Variants in PPFIA1 observed in about 807,000 individuals in gnomAD.
The protein encoded by PPFIA1 is PPFI scaffold protein A1, also known as liprin-alpha-1.
A neutral mutation model predicts 149.9 loss-of-function variants in PPFIA1; 25 were observed. That is an observed-to-expected ratio of 0.17 (90% CI 0.12 to 0.23). The LOEUF (loss-of-function observed/expected upper bound fraction) is 0.23. Among genes scored for constraint, PPFIA1 ranks in the 10% least tolerant of loss-of-function variants. PPFIA1 has a pLI of 1.00. For missense variants in PPFIA1, 1,362 were observed against 1,506.5 expected (o/e 0.90, Z 1.59); for synonymous variants, 549 against 552.8 (o/e 0.99, Z 0.10).
chr11:70,295,403 G>A (rs1280349189), intron 2 of PPFIA1, among the ~76,000 whole-genome samples: 5 of 137,806 alleles, frequency 3.6e-5, no homozygotes, highest in Non-Finnish European at 7.9e-5. Context: ...TCTCCCTCCC[G>A]GATGAGGTGG....
intron 10 of PPFIA1, 45 bp from the exon 11 acceptor site, chr11:70,335,518 G>T (rs767309808): frequency 1.2e-6 from 2 of 1,601,170 alleles, no homozygotes; most frequent in Non-Finnish European, 8.5e-7. Context: ...AATAATGATC[G>T]AGGATTTACG....
chr11:70,362,949 T>C (rs2056737022), intron 21 of PPFIA1: 1 of 153,036 alleles, frequency 6.5e-6, no homozygotes, highest in Admixed American at 6.5e-5. Flanking sequence ...ATTGAATCAG[T>C]CTAAGGGCCT....
intron 2 of PPFIA1, among the ~76,000 whole-genome samples, chr11:70,277,039 T>TAG (rs1387948962): frequency 1.7e-4 from 10 of 58,326 alleles, no homozygotes; most frequent in African/African-American, 2.1e-4. Flanking sequence ...TTGATTGAGA[T>TAG]ATATATATAT....
chr11:70,356,035 T>C (rs1462892901), intron 18 of PPFIA1, 126 bp from the exon 19 acceptor site: 3 of 1,028,832 alleles, frequency 2.9e-6, no homozygotes, highest in Admixed American at 4.1e-5. Context: ...TTTGGTTGTC[T>C]AGTCAGAAAC....
chr11:70,344,398 C>G (rs73517198), intron 15 of PPFIA1, among the ~76,000 whole-genome samples: 3,604 of 152,324 alleles, frequency 0.024, 159 homozygotes, highest in African/African-American at 0.083. Flanking sequence ...GTGCCACTCA[C>G]CAGAGAGACC....
In PPFIA1 at chr11:70,329,800, C is replaced by T. The variant is rs140151811; in HGVS notation, c.931-373C>T. ...AAAATTAGTTGGATATAGGAGTGTG[C>T]GCTTGTAGTCCCAGCTACTGGGAAG... On this transcript the variant is annotated intron_variant, in intron 7 of 27. Coordinates refer to ENST00000253925, the MANE Select transcript of PPFIA1 (RefSeq NM_003626.5). 4.9e-4 allele frequency: 95 copies of T among 192,258 alleles called. No homozygotes were observed. The East Asian group carries it at 0.014, about 28-fold the overall frequency. The allele number at this position is 192,258 out of a possible 1,614,324, so 11.9% of individuals were successfully genotyped here.
chr11:70,377,949 T>C, intron 25 of PPFIA1, 81 bp from the exon 26 acceptor site: 1 of 1,094,042 alleles, frequency 9.1e-7, no homozygotes, highest in Non-Finnish European at 1.3e-6. Context: ...AGATCAGCAG[T>C]CATTTTAAAG....
rs11603063 is a variant in PPFIA1, at chr11:70,291,289, C to A, written c.264+18853C>A. Among the ~76,000 whole-genome samples, 179 of 152,302 alleles carry A rather than the reference C, an allele frequency of 1.2e-3. 3 individuals carry two copies. The highest frequency in any genetic ancestry group is 4.0e-3 in the Admixed American group (61 of 15,292). ...TGAATGACAGCCGAGGTCATGGTAT[C>A]CTACATACCCTTAAAGAGAGATGTG... is the stretch of plus-strand genomic sequence containing the variant. On this transcript the variant is annotated intron_variant, in intron 2 of 27. Coordinates refer to ENST00000253925, the MANE Select transcript of PPFIA1 (RefSeq NM_003626.5).
chr11:70,278,957 G>A, intron 2 of PPFIA1: 1 of 614,908 alleles, frequency 1.6e-6, no homozygotes, highest in South Asian at 1.5e-5. Context: ...GAGATTTGTG[G>A]ATGTGTGGAA....
chr11:70,285,477 C>T (rs1357894288), intron 2 of PPFIA1, among the ~76,000 whole-genome samples: 4 of 151,930 alleles, frequency 2.6e-5, no homozygotes, highest in South Asian at 2.1e-4. Flanking sequence ...GTCAGGAGTT[C>T]GAGACCAGCC....
chr11:70,373,079 G>C (rs538908480), intron 23 of PPFIA1, among the ~76,000 whole-genome samples: 1 of 152,334 alleles, frequency 6.6e-6, no homozygotes, highest in South Asian at 2.1e-4. Flanking sequence ...CTTAGGGTAA[G>C]GAAAAGGCAT....
intron 2 of PPFIA1, among the ~76,000 whole-genome samples, chr11:70,275,186 T>A (rs1032539846): frequency 1.3e-5 from 2 of 152,226 alleles, no homozygotes; most frequent in African/African-American, 4.8e-5. Flanking sequence ...TGCTGCTCCC[T>A]GATGGCCAGG....
At chr11:70,378,316 G>A in intron 26 of PPFIA1, 121 bp downstream of exon 26, 3 of 1,371,952 alleles carry the variant, frequency 2.2e-6, no homozygotes, top group Non-Finnish European at 2.8e-6. Flanking sequence ...GAGTATGGTT[G>A]CATGTCCAAA....
rs755772388 is a variant in PPFIA1 at position 70,330,334 on chromosome 11, C to T, written c.1077+15C>T. 77 of 1,547,412 alleles carry T rather than the reference C, an allele frequency of 5.0e-5. No individual in the cohort carries two copies. Among genetic ancestry groups the T allele is most frequent in the Admixed American group, 2.2e-4 (10 of 45,218 alleles). On this transcript the variant is annotated intron_variant, in intron 8 of 27. Transcript: ENST00000253925. ...TGCATCGACAGGTAATGGATTTTAT[C>T]GACCTTTGTCTGGCTTTAGTTAATT...
intron 14 of PPFIA1, chr11:70,340,932 T>C: frequency 3.0e-6 from 1 of 336,706 alleles, no homozygotes; most frequent in South Asian, 2.1e-5. Context: ...CCGGGGCTGC[T>C]CTAGGGTCCT....
chr11:70,356,199 T>G lies in PPFIA1; in HGVS notation c.2527T>G (p.Leu843Val). Reference protein sequence around the residue: ...SETDNSSQDALGLSKLGGQAE... With the variant: ...SETDNSSQDAVGLSKLGGQAE... ...GACGGATAACTCATCTCAGGATGCCTTGGGACTTAGCAAATTGGGGGGACA... is the reference window on the plus strand; with the variant it reads ...GACGGATAACTCATCTCAGGATGCCGTGGGACTTAGCAAATTGGGGGGACA... The change falls in exon 19 of 28, where the codon TTG becomes GTG. Residue 843 changes from leucine to valine, a missense_variant. Physicochemically the swap from Leu to Val is conservative, Grantham distance 32. Coordinates refer to ENST00000253925, the MANE Select transcript of PPFIA1 (RefSeq NM_003626.5). The G allele has an allele frequency of 1.2e-6, 2 of 1,614,184 alleles. No individual in the cohort carries two copies. The highest frequency in any genetic ancestry group is 1.1e-5 in the South Asian group (1 of 91,082).
At chr11:70,294,353 A>G (rs2051744122) in intron 2 of PPFIA1, among the ~76,000 whole-genome samples, 1 of 152,128 alleles carries the variant, frequency 6.6e-6, no homozygotes, top group Non-Finnish European at 1.5e-5. Flanking sequence ...GAAGTTGGCG[A>G]GGGTCAAAGG....
At chr11:70,295,074 C>A (rs898504047) in intron 2 of PPFIA1, among the ~76,000 whole-genome samples, 4 of 152,204 alleles carry the variant, frequency 2.6e-5, no homozygotes, top group African/African-American at 9.6e-5. Flanking sequence ...GTTGGGTACA[C>A]CTCCCAGACG....
At chr11:70,308,235 A>G (rs1427562984) in intron 2 of PPFIA1, among the ~76,000 whole-genome samples, 3 of 152,126 alleles carry the variant, frequency 2.0e-5, no homozygotes, top group Non-Finnish European at 2.9e-5. Context: ...TTTAGCAGAG[A>G]CGGGGTTTCT....
Sources: allele counts gnomAD v4.1 joint callset (sites outside exome capture counted in the v4.1 genomes callset), GRCh38; gene constraint gnomAD v4.1.1; transcripts MANE v1.5; gene names NCBI Gene and HGNC (gene_info 2026-07-23, HGNC 2026-07-21).